Variants in YIF1B observed in about 807,000 individuals in gnomAD.
The protein encoded by YIF1B is Yip1 interacting factor homolog B, membrane trafficking protein.
YIF1B carries 24 observed loss-of-function variants against 34.6 expected under a neutral mutation model. The observed-to-expected ratio is 0.69, with a 90% CI of 0.50 to 0.98. YIF1B has a LOEUF of 0.98. YIF1B is among the 50% of genes least tolerant of loss of function. The probability of loss-of-function intolerance (pLI) is 0.00; values close to 1 mark genes in which losing one functional copy is unlikely to be tolerated. For missense variants in YIF1B, 368 were observed against 429.4 expected (o/e 0.86, Z 1.26); for synonymous variants, 186 against 184.8 (o/e 1.01, Z -0.05).
chr19:38,305,027 C>G lies in YIF1B; in HGVS notation c.*325G>C. On this transcript the variant is annotated 3_prime_UTR_variant, in exon 8 of 8. Coordinates refer to ENST00000339413, the MANE Select transcript of YIF1B (RefSeq NM_001039672.3). ...CCTTCTGCGACTGGTCAGCGTGGTG[C>G]CTACTCTGGCCCGTCCCCAGCTCCC... The G allele has an allele frequency of 6.5e-7, 1 of 1,548,058 alleles. No homozygotes were observed. The highest frequency in any genetic ancestry group is 8.7e-7 in the Non-Finnish European group (1 of 1,145,072).
chr19:38,307,256 C>T lies in YIF1B; in HGVS notation c.789+172G>A, dbSNP rs539913033. The T allele has an allele frequency of 3.3e-4, 222 of 662,774 alleles. 1 individual carries two copies. In the African/African-American group the frequency reaches 3.8e-3, roughly 11 times the overall value. The allele number at this position is 662,774 out of a possible 1,614,324, so 41.1% of individuals were successfully genotyped here. On this transcript the variant is annotated intron_variant, in intron 7 of 7. Transcript: ENST00000339413. ...TCTCCTCTTCCAGGGCTCAGGATAC[C>T]CCCTCTTCCAGGAAGCCCTCCTGAC...
chr19:38,314,803 T>G (rs1452696642), intron 1 of YIF1B, among the ~76,000 whole-genome samples: 1 of 151,398 alleles, frequency 6.6e-6, no homozygotes, highest in African/African-American at 2.4e-5. Context: ...TTATTAGAGA[T>G]AGGATTTTGC....
chr19:38,318,103 G>C (rs2145034094), upstream of YIF1B, among the ~76,000 whole-genome samples: 1 of 136,906 alleles, frequency 7.3e-6, no homozygotes, highest in South Asian at 2.4e-4. Flanking sequence ...TGAGGCAGGA[G>C]AATTGCTTGA....
intron 7 of YIF1B, chr19:38,306,690 ATT>A: frequency 4.3e-6 from 1 of 234,762 alleles, no homozygotes; most frequent in South Asian, 4.3e-5. Context: ...TTTTATTTTT[ATT>A]TTTTTTTGAG....
At chr19:38,307,254 AC>A in intron 7 of YIF1B, 173 bp downstream of exon 7, 1 of 651,082 alleles carries the variant, frequency 1.5e-6, no homozygotes, top group Non-Finnish European at 2.7e-6. Flanking sequence ...GGCTCAGGAT[AC>A]CCCCTCTTCC....
rs781654138 is a variant in YIF1B, at chr19:38,304,943, G to GAAGGAGAAGGGC, written c.*408_*409insGCCCTTCTCCTT. ...AGAAGGGCAAGAAGGAGAAGGGCAA[G>GAAGGAGAAGGGC]AAGAAGGAGGCTCCCCACTGAAGGG... On this transcript the variant is annotated 3_prime_UTR_variant, in exon 8 of 8. Transcript: ENST00000339413. 7 of 1,503,134 alleles carry GAAGGAGAAGGGC rather than the reference G, an allele frequency of 4.7e-6. No individual in the cohort carries two copies. In the African/African-American group the frequency reaches 8.7e-5, roughly 19 times the overall value. 93.1% of individuals were successfully genotyped at this position (1,503,134 alleles called of 1,614,324 possible). A position where few individuals can be genotyped will look rare whatever the true frequency, so the allele number is the denominator to read the frequency against.
upstream of YIF1B, among the ~76,000 whole-genome samples, chr19:38,316,890 G>T (rs1350388956): frequency 6.6e-6 from 1 of 151,836 alleles, no homozygotes; most frequent in Non-Finnish European, 1.5e-5. Flanking sequence ...CGAATTCCTG[G>T]GCTCAAGCCA....
chr19:38,313,366 C>G (rs1969403267), intron 1 of YIF1B, among the ~76,000 whole-genome samples: 1 of 151,514 alleles, frequency 6.6e-6, no homozygotes, highest in Non-Finnish European at 1.5e-5. Flanking sequence ...TCACGCCATT[C>G]TCTTGCTTCA....
intron 5 of YIF1B, among the ~76,000 whole-genome samples, 199 bp downstream of exon 5, chr19:38,308,593 G>A (rs556175609): frequency 2.0e-5 from 3 of 152,186 alleles, no homozygotes; most frequent in Non-Finnish European, 2.9e-5. Context: ...GGATGGTGAC[G>A]CAATGCATGT....
At chr19:38,308,759 C>T (rs1003075757) in intron 5 of YIF1B, 33 bp downstream of exon 5, 27 of 1,613,548 alleles carry the variant, frequency 1.7e-5, no homozygotes, top group Non-Finnish European at 2.1e-5. Flanking sequence ...TCCCAAACCC[C>T]ACCTTATTCG....
Position 38,307,765 on chromosome 19 carries a change from A to T in YIF1B, c.540-13T>A. 6.2e-7 allele frequency: 1 copy of T among 1,603,886 alleles called. No individual in the cohort carries two copies. The highest frequency in any genetic ancestry group is 1.1e-5 in the South Asian group (1 of 90,970). ...GTCTGGGGAGAACCTGCAGGCACAAAGCCCCGCCACTTGGTTGGCTGGTTC... is the reference window on the plus strand; with the variant it reads ...GTCTGGGGAGAACCTGCAGGCACAATGCCCCGCCACTTGGTTGGCTGGTTC... On this transcript the variant is annotated splice_polypyrimidine_tract_variant and intron_variant, in intron 5 of 7. Transcript: ENST00000339413.
chr19:38,305,439 C>A lies in YIF1B; in HGVS notation c.858G>T (p.Arg286=), dbSNP rs990866642. Residue 286 remains arginine, a synonymous_variant, in exon 8 of 8, where the codon CGG becomes CGT. Transcript: ENST00000339413. ...TGGTCAGGTACATGCGCAGCTGGTT[C>A]CGGGCCCCACGCACCGGGACCCCCT... ...AAEGVPVRGA[R]NQLRMYLTMA... is the part of the protein sequence containing the mutation. The A allele has an allele frequency of 6.2e-6, 10 of 1,610,258 alleles. No homozygotes were observed. The highest frequency in any genetic ancestry group is 7.6e-6 in the Non-Finnish European group (9 of 1,178,266).
At chr19:38,309,759 T>C in intron 1 of YIF1B, 116 bp from the exon 2 acceptor site, 15 of 1,451,082 alleles carry the variant, frequency 1.0e-5, no homozygotes, top group African/African-American at 1.4e-5. Context: ...GGTGTCACCA[T>C]TAGAGACACT....
chr19:38,308,834 G>T lies in YIF1B; in HGVS notation c.497C>A (p.Thr166Asn), dbSNP rs1568355251. 6.2e-7 allele frequency: 1 copy of T among 1,613,982 alleles called. No individual in the cohort carries two copies. Among genetic ancestry groups the T allele is most frequent in the African/African-American group, 1.3e-5 (1 of 75,032 alleles). The change falls in exon 5 of 8, where the codon ACC becomes AAC. Residue 166 changes from threonine to asparagine, a missense_variant. Thr to Asn is a moderately conservative substitution (Grantham distance 65). This residue lies in a region of YIF1B where 208 missense variants were observed against 247.8 expected (regional missense o/e 0.84). Coordinates refer to ENST00000339413, the MANE Select transcript of YIF1B (RefSeq NM_001039672.3). Reference protein sequence around the residue: ...DLYIPAMAFITYVLVAGLALG... With the variant: ...DLYIPAMAFINYVLVAGLALG... ...CGCAAGACCAGCCACCAAAACGTAG[G>T]TGATGAAAGCCATTGCTGTGGGAGA...
intron 3 of YIF1B, 73 bp downstream of exon 3, chr19:38,309,151 A>G: frequency 1.3e-6 from 2 of 1,583,104 alleles, no homozygotes; most frequent in Non-Finnish European, 1.7e-6. Context: ...TCCCGGCTCC[A>G]CCATGCACCT....
rs1600369978 is a variant in YIF1B at position 38,304,789 on chromosome 19, C to G, written c.*563G>C. 3 of 1,612,816 alleles carry G rather than the reference C, an allele frequency of 1.9e-6. No individual in the cohort carries two copies. The highest frequency in any genetic ancestry group is 1.7e-6 in the Non-Finnish European group (2 of 1,179,340). On this transcript the variant is annotated 3_prime_UTR_variant, in exon 8 of 8. Coordinates refer to ENST00000339413, the MANE Select transcript of YIF1B (RefSeq NM_001039672.3). ...AGGGTGCGGGGAGTGGTCCCCCTGT[C>G]TCGCTTCCAGCCCAGAACCATCTCT...
intron 7 of YIF1B, 122 bp downstream of exon 7, chr19:38,307,306 G>C (rs3859550): frequency 0.045 from 50,475 of 1,127,212 alleles, 1,393 homozygotes; most frequent in East Asian, 0.091. Flanking sequence ...AGCCACTCCA[G>C]GGCTCCTCAG....
At chr19:38,318,216 A>AAAAAAC (rs1969605249), upstream of YIF1B, among the ~76,000 whole-genome samples, 1 of 150,920 alleles carries the variant, frequency 6.6e-6, no homozygotes, top group Non-Finnish European at 1.5e-5. Context: ...AAAAAAAAAA[A>AAAAAAC]AAAAGCAAGT....
At chr19:38,307,330 C>T (rs1228269250) in intron 7 of YIF1B, 98 bp downstream of exon 7, 13 of 1,358,064 alleles carry the variant, frequency 9.6e-6, no homozygotes, top group Non-Finnish European at 1.2e-5. Context: ...AGCAATGTGT[C>T]TCTGGTCTGA....
Sources: allele counts gnomAD v4.1 joint callset (sites outside exome capture counted in the v4.1 genomes callset), GRCh38; gene constraint gnomAD v4.1.1; regional missense constraint gnomAD v4.1.1; transcripts MANE v1.5; gene names NCBI Gene and HGNC (gene_info 2026-07-23, HGNC 2026-07-21).